CUL3: variants seen among roughly 807,000 people sequenced by gnomAD.
CUL3 encodes the protein cullin-3.
In CUL3, 19 loss-of-function variants were observed where a neutral mutation model predicts 89.1. The ratio of observed to expected loss-of-function variants is 0.21; its 90% CI spans 0.15 to 0.31. The LOEUF (loss-of-function observed/expected upper bound fraction) is 0.31. Ranked by LOEUF, CUL3 falls within the 10% of genes least tolerant of loss-of-function variation. The pLI is 1.00. For synonymous variants in CUL3, 351 were observed against 308.4 expected (o/e 1.14, Z -1.45); for missense variants, 469 against 942.3 (o/e 0.50, Z 6.58).
intron 3 of CUL3, 24 bp downstream of exon 3, chr2:224,535,504 A>C (rs1472952070): frequency 4.1e-6 from 6 of 1,475,954 alleles, no homozygotes; most frequent in Non-Finnish European, 5.5e-6. Context: ...TAAAGGAAGA[A>C]AACATTTAAA....
chr2:224,483,781 G>A (rs961114070), intron 13 of CUL3, among the ~76,000 whole-genome samples: 1 of 152,174 alleles, frequency 6.6e-6, no homozygotes, highest in Non-Finnish European at 1.5e-5. Flanking sequence ...CACAAGTGGA[G>A]ATTTAGACTG....
chr2:224,525,191 C>T lies in CUL3; in HGVS notation c.378+10337G>A, dbSNP rs16866028. ...AATTCTGGGTTTATCATAAACTCTACTAAACAGTCAATTAATGTAATTCTT... is the reference window on the plus strand; with the variant it reads ...AATTCTGGGTTTATCATAAACTCTATTAAACAGTCAATTAATGTAATTCTT... On this transcript the variant is annotated intron_variant, in intron 3 of 15. Coordinates refer to ENST00000264414, the MANE Select transcript of CUL3 (RefSeq NM_003590.5). 4.8e-3 allele frequency among the ~76,000 whole-genome samples: 728 copies of T among 152,264 alleles called. 6 individuals are homozygous for T. Among genetic ancestry groups the T allele is most frequent in the African/African-American group, 0.016 (675 of 41,554 alleles).
chr2:224,490,858 C>A (rs753624017), intron 13 of CUL3, among the ~76,000 whole-genome samples: 1 of 152,030 alleles, frequency 6.6e-6, no homozygotes, highest in Non-Finnish European at 1.5e-5. Flanking sequence ...AGAATACAAC[C>A]GGAATTTTCA....
Position 224,506,082 on chromosome 2 carries a change from G to A in CUL3, c.1080C>T (p.Phe360=). 1 of 1,612,316 alleles carries A rather than the reference G, an allele frequency of 6.2e-7. No individual in the cohort carries two copies. ...SRFDRFLLES[F]NNDRLFKQTI... is the part of the protein sequence containing the mutation. ...TTTGTTTAAAGAGACGGTCATTGTT[G>A]AATGATTCCAGGAGGAAGCGATCGA... The change falls in exon 8 of 16, where the codon TTC becomes TTT. Residue 360 remains phenylalanine (F), a synonymous_variant. Transcript: ENST00000264414.
At chr2:224,558,993 T>C (rs1299603910) in intron 1 of CUL3, among the ~76,000 whole-genome samples, 1 of 151,576 alleles carries the variant, frequency 6.6e-6, no homozygotes, top group African/African-American at 2.4e-5. Context: ...GAGGCAGAGC[T>C]TGCAGTGAGC....
chr2:224,526,282 A>C (rs897932584), intron 3 of CUL3, among the ~76,000 whole-genome samples: 1 of 152,184 alleles, frequency 6.6e-6, no homozygotes, highest in Non-Finnish European at 1.5e-5. Flanking sequence ...CCTTTACTCT[A>C]TCAAGATGTG....
intron 2 of CUL3, 107 bp downstream of exon 2, chr2:224,557,552 G>T: frequency 1.5e-6 from 1 of 685,582 alleles, no homozygotes. Flanking sequence ...AATTTCTATA[G>T]GCTTCTGGCA....
chr2:224,537,551 T>C (rs556849336), intron 2 of CUL3, among the ~76,000 whole-genome samples: 4 of 152,278 alleles, frequency 2.6e-5, no homozygotes, highest in South Asian at 4.1e-4. Context: ...ATCTAGCACT[T>C]GTCAGATACA....
At chr2:224,516,344 G>T (rs1243437048) in intron 3 of CUL3, among the ~76,000 whole-genome samples, 2 of 147,890 alleles carry the variant, frequency 1.4e-5, no homozygotes, top group African/African-American at 5.0e-5. Context: ...TTGATATGGG[G>T]TGTCGCTCTG....
intron 7 of CUL3, among the ~76,000 whole-genome samples, chr2:224,506,427 T>C (rs1464677737): frequency 6.6e-6 from 1 of 152,122 alleles, no homozygotes; most frequent in Non-Finnish European, 1.5e-5. Context: ...TGAAAAAAAT[T>C]AGCTTAAAAA....
chr2:224,543,555 ATTTTTTCAGATTTTCGG>A (rs933853391), intron 2 of CUL3, among the ~76,000 whole-genome samples: 11 of 152,240 alleles, frequency 7.2e-5, no homozygotes, highest in Non-Finnish European at 1.0e-4. Context: ...CAGATTTTTG[ATTTTTTCAGATTTTCGG>A]TTTTTTCAGA....
intron 2 of CUL3, among the ~76,000 whole-genome samples, chr2:224,555,376 C>T (rs931732040): frequency 6.6e-6 from 1 of 152,100 alleles, no homozygotes; most frequent in African/African-American, 2.4e-5. Context: ...TCACTTTACC[C>T]AGATCTTTCC....
intron 3 of CUL3, among the ~76,000 whole-genome samples, chr2:224,526,412 C>T (rs1693475103): frequency 6.6e-6 from 1 of 151,726 alleles, no homozygotes; most frequent in African/African-American, 2.4e-5. Context: ...GTGGTGAATC[C>T]CGTCTTTAAG....
intron 13 of CUL3, among the ~76,000 whole-genome samples, chr2:224,482,641 T>C (rs1157585940): frequency 6.6e-6 from 1 of 151,940 alleles, no homozygotes; most frequent in South Asian, 2.1e-4. Flanking sequence ...AGCAATCTGT[T>C]TTGAAGTTCA....
chr2:224,535,678 A>G, intron 2 of CUL3, 37 bp from the exon 3 acceptor site: 3 of 1,235,556 alleles, frequency 2.4e-6, no homozygotes, highest in Non-Finnish European at 3.6e-6. Flanking sequence ...GCACACACAC[A>G]TCCACACACT....
intron 14 of CUL3, among the ~76,000 whole-genome samples, chr2:224,480,419 T>A: frequency 6.6e-6 from 1 of 152,264 alleles, no homozygotes; most frequent in African/African-American, 2.4e-5. Flanking sequence ...GAAAAAAACA[T>A]TGCTTTGTAG....
chr2:224,490,571 G>A (rs1165850077), intron 13 of CUL3, among the ~76,000 whole-genome samples: 3 of 151,864 alleles, frequency 2.0e-5, no homozygotes, highest in East Asian at 1.9e-4. Context: ...ACAATCTCTC[G>A]TCTCCGCACA....
At chr2:224,514,849 A>G (rs960373355) in intron 3 of CUL3, 77 bp from the exon 4 acceptor site, 31 of 1,055,514 alleles carry the variant, frequency 2.9e-5, no homozygotes, top group Non-Finnish European at 4.1e-5. Context: ...TAACAAATAA[A>G]GGAAATAAAA....
chr2:224,530,504 A>G (rs886912678), intron 3 of CUL3, among the ~76,000 whole-genome samples: 3 of 152,218 alleles, frequency 2.0e-5, no homozygotes, highest in Non-Finnish European at 2.9e-5. Flanking sequence ...AATTAAAAGC[A>G]TATTTTATCT....
Sources: gnomAD v4.1 joint callset for allele counts (sites outside exome capture counted in the v4.1 genomes callset) on GRCh38, gnomAD v4.1.1 for gene constraint, MANE v1.5 for transcripts, NCBI Gene and HGNC (gene_info 2026-07-23, HGNC 2026-07-21) for gene names.